ARFGEF2: variants seen among roughly 807,000 people sequenced by gnomAD.
ARFGEF2 encodes ARF guanine nucleotide exchange factor 2, also known as brefeldin A-inhibited guanine nucleotide-exchange protein 2.
In ARFGEF2, 74 loss-of-function variants were observed where a neutral mutation model predicts 219.9. That is an observed-to-expected ratio of 0.34 (90% CI 0.28 to 0.41). ARFGEF2 has a LOEUF of 0.41. Among genes scored for constraint, ARFGEF2 ranks in the 10% least tolerant of loss-of-function variants. The pLI is 1.00. For synonymous variants in ARFGEF2, 733 were observed against 799.2 expected, an observed-to-expected ratio of 0.92 and a Z score of 1.40; for missense variants, 1,743 against 2,218.3, an observed-to-expected ratio of 0.79 and a Z score of 4.30.
chr20:49,022,973 A>AC (rs1249857084), intron 34 of ARFGEF2, 78 bp from the exon 35 acceptor site: 2 of 1,585,094 alleles, frequency 1.3e-6, no homozygotes, highest in African/African-American at 2.7e-5. Context: ...CATGCCTTGC[A>AC]CATAGTAGGA....
At chr20:48,950,625 C>T (rs1379104123) in intron 3 of ARFGEF2, among the ~76,000 whole-genome samples, 2 of 148,520 alleles carry the variant, frequency 1.3e-5, no homozygotes, top group East Asian at 3.9e-4. Flanking sequence ...AAGACCCCAT[C>T]TCTACAAAGA....
intron 4 of ARFGEF2, among the ~76,000 whole-genome samples, chr20:48,951,812 G>A (rs1371151263): frequency 6.6e-6 from 1 of 152,106 alleles, no homozygotes; most frequent in Non-Finnish European, 1.5e-5. Context: ...ACTTGCCTCT[G>A]TCCTACTTCC....
intron 8 of ARFGEF2, 55 bp downstream of exon 8, chr20:48,966,078 A>G: frequency 4.4e-6 from 7 of 1,606,550 alleles, no homozygotes; most frequent in Admixed American, 3.4e-5. Context: ...TTTTCAAAAG[A>G]TGCAGAATTA....
At chr20:48,967,585 C>T (rs767151578) in intron 8 of ARFGEF2, among the ~76,000 whole-genome samples, 2 of 151,924 alleles carry the variant, frequency 1.3e-5, no homozygotes, top group Non-Finnish European at 2.9e-5. Context: ...ATAGCGAGAC[C>T]CCATCTCATA....
intron 25 of ARFGEF2, among the ~76,000 whole-genome samples, chr20:49,004,646 C>A (rs1300739669): frequency 6.6e-6 from 1 of 151,020 alleles, no homozygotes; most frequent in Non-Finnish European, 1.5e-5. Flanking sequence ...ACTAAAAATA[C>A]AAAAATCAGC....
At position 48,997,951 on chromosome 20, in the gene ARFGEF2, G is replaced by A. The variant is rs1406742775; in HGVS notation, c.3222-242G>A. The A allele has an allele frequency of 3.8e-5, 19 of 495,986 alleles. No individual in the cohort carries two copies. The East Asian group carries it at 4.7e-4, about 12-fold the overall frequency. The allele number at this position is 495,986 out of a possible 1,614,324, so 30.7% of individuals were successfully genotyped here. On this transcript the variant is annotated intron_variant, in intron 23 of 38. Coordinates refer to ENST00000371917, the MANE Select transcript of ARFGEF2 (RefSeq NM_006420.3). ...CGGCTTACTGCAACTTCTGCCTCCC[G>A]AGTTCAAGCGAATCTTCTGCTTCAG...
rs745505570 is a variant in ARFGEF2, at chr20:49,018,993, A to T, written c.4619A>T (p.Tyr1540Phe). The T allele has an allele frequency of 1.2e-6, 2 of 1,613,416 alleles. No individual in the cohort carries two copies. The highest frequency in any genetic ancestry group is 2.2e-5 in the South Asian group (2 of 91,060). The change falls in exon 34 of 39, where the codon TAC becomes TTC. Residue 1540 changes from tyrosine to phenylalanine, a missense_variant. Tyr to Phe is a conservative substitution (Grantham distance 22, BLOSUM62 3). This residue lies in a region of ARFGEF2 where 578 missense variants were observed against 664.0 expected (regional missense o/e 0.87). Transcript: ENST00000371917. ...GATGACAGCTGGAAGGGTAGACCATACGCAAGTAAGGCCACTTTTTAATTT... is the reference window on the plus strand; with the variant it reads ...GATGACAGCTGGAAGGGTAGACCATTCGCAAGTAAGGCCACTTTTTAATTT... The part of the protein sequence containing the change: ...PTDDSWKGRP[Y>F]ANQKLFASLL...
chr20:49,001,180 C>G (rs928811833), intron 25 of ARFGEF2, among the ~76,000 whole-genome samples: 1 of 149,540 alleles, frequency 6.7e-6, no homozygotes, highest in Non-Finnish European at 1.5e-5. Flanking sequence ...CCTGGGACTA[C>G]ACACATGCAT....
At chr20:48,935,944 G>C (rs548440714) in intron 1 of ARFGEF2, among the ~76,000 whole-genome samples, 9 of 139,170 alleles carry the variant, frequency 6.5e-5, no homozygotes, top group East Asian at 2.2e-4. Context: ...GGCCGGGGGG[G>C]GGGGCTGACC....
chr20:48,946,126 G>T (rs1434619656), intron 3 of ARFGEF2, among the ~76,000 whole-genome samples: 1 of 152,184 alleles, frequency 6.6e-6, no homozygotes, highest in Non-Finnish European at 1.5e-5. Context: ...GAAATGGAAG[G>T]CCAGCATCGG....
chr20:48,931,813 A>G (rs1600584930), intron 1 of ARFGEF2, among the ~76,000 whole-genome samples: 2 of 152,344 alleles, frequency 1.3e-5, no homozygotes, highest in East Asian at 1.9e-4. Flanking sequence ...GCCAGATCAC[A>G]TAGAGGTTTG....
intron 6 of ARFGEF2, 124 bp downstream of exon 6, chr20:48,953,914 G>T: frequency 3.0e-6 from 3 of 1,015,580 alleles, no homozygotes; most frequent in Non-Finnish European, 4.5e-6. Context: ...CTCTTTCTGG[G>T]CCTTTCCCTT....
intron 14 of ARFGEF2, among the ~76,000 whole-genome samples, chr20:48,982,459 C>T (rs1321215141): frequency 6.6e-6 from 1 of 152,200 alleles, no homozygotes; most frequent in Non-Finnish European, 1.5e-5. Flanking sequence ...ACATGGGGGT[C>T]AGGGTCCCAC....
intron 1 of ARFGEF2, among the ~76,000 whole-genome samples, chr20:48,935,784 C>T (rs1295644787): frequency 6.8e-6 from 1 of 147,972 alleles, no homozygotes; most frequent in Admixed American, 6.7e-5. Flanking sequence ...GACCCCCCCA[C>T]CTCCCTCCCG....
At chr20:48,964,050 A>C (rs975082034) in intron 7 of ARFGEF2, 152 bp downstream of exon 7, 21 of 753,706 alleles carry the variant, frequency 2.8e-5, no homozygotes, top group Non-Finnish European at 4.1e-5. Context: ...CCCATCTTTT[A>C]TATGGGATTC....
Position 49,025,695 on chromosome 20 carries a change from C to T in ARFGEF2, c.4924+214C>T, listed in dbSNP as rs557456959. ...ATTTGATAAAAAGACAAATTGAGGC[C>T]GGATGCGGTGGTCCATGCCTGTAAT... On this transcript the variant is annotated intron_variant, in intron 36 of 38. Transcript: ENST00000371917. Among the ~76,000 whole-genome samples the T allele has an allele frequency of 3.5e-4, 53 of 152,220 alleles. No individual in the cohort carries two copies. The South Asian group carries it at 8.1e-3, about 23-fold the overall frequency.
intron 14 of ARFGEF2, among the ~76,000 whole-genome samples, chr20:48,979,235 T>C (rs1600629283): frequency 6.6e-6 from 1 of 152,216 alleles, no homozygotes; most frequent in Admixed American, 6.5e-5. Context: ...GAGATAATCA[T>C]GTGGTCTTTG....
chr20:48,958,501 A>G (rs2091118909), intron 6 of ARFGEF2, among the ~76,000 whole-genome samples: 2 of 151,764 alleles, frequency 1.3e-5, no homozygotes. Flanking sequence ...CAGTGGCACA[A>G]TCTCGGCTCA....
At chr20:48,932,663 C>T (rs1038059464) in intron 1 of ARFGEF2, among the ~76,000 whole-genome samples, 1 of 152,064 alleles carries the variant, frequency 6.6e-6, no homozygotes, top group African/African-American at 2.4e-5. Flanking sequence ...AAAGGAAAGC[C>T]GAGAGGTTGG....
Sources: allele counts gnomAD v4.1 joint callset (sites outside exome capture counted in the v4.1 genomes callset), GRCh38; gene constraint gnomAD v4.1.1; regional missense constraint gnomAD v4.1.1; transcripts MANE v1.5; gene names NCBI Gene and HGNC (gene_info 2026-07-23, HGNC 2026-07-21).